The following ZAR1L variants were observed in gnomAD, a reference collection of about 807,000 sequenced individuals.
The protein encoded by ZAR1L is protein ZAR1-like.
ZAR1L carries 16 observed loss-of-function variants against 30.0 expected under a neutral mutation model. The observed-to-expected ratio is 0.53, with a 90% CI of 0.36 to 0.81. The LOEUF is 0.81. Ranked by LOEUF, ZAR1L falls within the 30% of genes least tolerant of loss-of-function variation. ZAR1L has a pLI of 0.00. For missense variants in ZAR1L, 392 were observed against 417.2 expected, an observed-to-expected ratio of 0.94 and a Z score of 0.53; for synonymous variants, 197 against 166.8, an observed-to-expected ratio of 1.18 and a Z score of -1.40.
At chr13:32,310,828 T>C in intron 3 of ZAR1L, 97 bp from the exon 4 acceptor site, 1 of 768,406 alleles carries the variant, frequency 1.3e-6, no homozygotes, top group East Asian at 2.7e-5. Context: ...AATGACTTCT[T>C]TAACCTCACT....
Position 32,311,448 on chromosome 13 carries a change from G to A in ZAR1L, c.478C>T (p.Pro160Ser), listed in dbSNP as rs2072211904. Residue 160 changes from proline (P) to serine (S), a missense_variant, in exon 3 of 6, where the codon CCT becomes TCT. Coordinates refer to ENST00000533490, the MANE Select transcript of ZAR1L (RefSeq NM_001136571.2). ...DEAESKALPG[P>S]AEASQPQPPS... The stretch of plus-strand genomic sequence containing the variant: ...GGCTGCGGCTGGCTGGCCTCCGCAG[G>A]GCCCGGGAGCGCCTTGCTCTCCGCT... 6.5e-7 allele frequency: 1 copy of A among 1,547,732 alleles called. No homozygotes were observed. The highest frequency in any genetic ancestry group is 1.4e-5 in the African/African-American group (1 of 73,052).
At chr13:32,311,217 A>T in intron 3 of ZAR1L, 55 bp downstream of exon 3, 1 of 1,471,540 alleles carries the variant, frequency 6.8e-7, no homozygotes. Flanking sequence ...TAGATGGAAA[A>T]GGAGGGAGGG....
intron 5 of ZAR1L, among the ~76,000 whole-genome samples, chr13:32,305,226 T>C (rs1055616373): frequency 6.8e-6 from 1 of 146,146 alleles, no homozygotes; most frequent in East Asian, 2.0e-4. Flanking sequence ...AGAAAATTCC[T>C]TTTTTTTTTT....
chr13:32,306,665 T>G (rs1480482822), intron 5 of ZAR1L, among the ~76,000 whole-genome samples: 1 of 152,190 alleles, frequency 6.6e-6, no homozygotes, highest in Non-Finnish European at 1.5e-5. Flanking sequence ...GCGTGACGGC[T>G]CACGCCTATA....
chr13:32,306,488 C>T (rs1458956874), intron 5 of ZAR1L, among the ~76,000 whole-genome samples: 1 of 151,778 alleles, frequency 6.6e-6, no homozygotes, highest in South Asian at 2.1e-4. Flanking sequence ...AGCAGATTTA[C>T]GAAGGGGAAA....
intron 4 of ZAR1L, among the ~76,000 whole-genome samples, chr13:32,309,708 G>A (rs571339144): frequency 9.9e-5 from 15 of 152,126 alleles, no homozygotes; most frequent in Non-Finnish European, 2.2e-4. Context: ...TCCATCACTC[G>A]TATCAAAATA....
chr13:32,307,842 G>A (rs2072187501), intron 5 of ZAR1L, among the ~76,000 whole-genome samples: 1 of 152,048 alleles, frequency 6.6e-6, no homozygotes, highest in African/African-American at 2.4e-5. Context: ...TTGCTCTGTT[G>A]CCCAGGCTGG....
Position 32,303,753 on chromosome 13 carries a change from T to A in ZAR1L, c.*126A>T. ...TTCACATTGTACAATTGTTACACAA[T>A]CTACAAAAAGTACAAAAGCCTAGCC... On this transcript the variant is annotated 3_prime_UTR_variant, in exon 6 of 6. Coordinates refer to ENST00000533490, the MANE Select transcript of ZAR1L (RefSeq NM_001136571.2). 1 of 890,688 alleles carries A rather than the reference T, an allele frequency of 1.1e-6. No individual in the cohort carries two copies. Among genetic ancestry groups the A allele is most frequent in the Non-Finnish European group, 1.7e-6 (1 of 597,250 alleles). 55.2% of individuals were successfully genotyped at this position (890,688 alleles called of 1,614,324 possible).
intron 5 of ZAR1L, among the ~76,000 whole-genome samples, chr13:32,304,499 G>C (rs1299739471): frequency 6.6e-6 from 1 of 152,136 alleles, no homozygotes; most frequent in African/African-American, 2.4e-5. Context: ...CTCAACCAGG[G>C]GTGATTTTAC....
At chr13:32,305,317 C>A (rs2072166438) in intron 5 of ZAR1L, among the ~76,000 whole-genome samples, 1 of 152,090 alleles carries the variant, frequency 6.6e-6, no homozygotes, top group Non-Finnish European at 1.5e-5. Context: ...AGCTCCGCCT[C>A]CCGGGTTCAC....
chr13:32,304,033 CAAA>C lies in ZAR1L; in HGVS notation c.823-14_823-12del. ...AGACTTTGAGCAGGTCTTTAGGAAA[CAAA>C]GAAGAGTTTGGACGCTAAATGATCA... On this transcript the variant is annotated splice_polypyrimidine_tract_variant and intron_variant, in intron 5 of 5. Coordinates refer to ENST00000533490, the MANE Select transcript of ZAR1L (RefSeq NM_001136571.2). 1.3e-6 allele frequency: 2 copies of C among 1,548,750 alleles called. No homozygotes were observed. Among genetic ancestry groups the C allele is most frequent in the Non-Finnish European group, 1.7e-6 (2 of 1,146,126 alleles).
In ZAR1L at chr13:32,311,682, G is replaced by T. The variant is rs530659850; in HGVS notation, c.244C>A (p.Arg82=). 1.9e-6 allele frequency: 3 copies of T among 1,551,632 alleles called. No homozygotes were observed. Among genetic ancestry groups the T allele is most frequent in the East Asian group, 4.9e-5 (2 of 40,924 alleles). ...TCCTTGGTGTTGGGCTTGCACAGCC[G>T]CGGGCTCAGGCTGGGGTTCATCTGG... ...LSQMNPSLSP[R]LCKPNTKEVG... Residue 82 remains arginine, a synonymous_variant, in exon 3 of 6, where the codon CGG becomes AGG. Transcript: ENST00000533490.
At chr13:32,313,038 A>G (rs2072225374) in intron 2 of ZAR1L, among the ~76,000 whole-genome samples, 1 of 152,236 alleles carries the variant, frequency 6.6e-6, no homozygotes, top group Non-Finnish European at 1.5e-5. Context: ...ATAGAAGCAG[A>G]AAGTAGAATG....
intron 4 of ZAR1L, among the ~76,000 whole-genome samples, chr13:32,308,991 CA>C (rs1356629224): frequency 2.9e-3 from 361 of 124,448 alleles, no homozygotes; most frequent in African/African-American, 7.1e-3. Flanking sequence ...AATTGGAATA[CA>C]TTTTTTTTTT....
chr13:32,305,720 C>G (rs531965445), intron 5 of ZAR1L, among the ~76,000 whole-genome samples: 43 of 152,322 alleles, frequency 2.8e-4, no homozygotes, highest in African/African-American at 1.0e-3. Context: ...TCTAACCAAG[C>G]CTCCTGGATG....
In ZAR1L at chr13:32,311,665, G is replaced by A. The variant is rs2138689865; in HGVS notation, c.261C>T (p.Asn87=). The change falls in exon 3 of 6, where the codon AAC becomes AAT. Residue 87 remains asparagine, a synonymous_variant. Transcript: ENST00000533490. ...TCACCTGCACGCCCACCTCCTTGGT[G>A]TTGGGCTTGCACAGCCGCGGGCTCA... ...PSLSPRLCKP[N]TKEVGVQVSP... is the part of the protein sequence containing the mutation. 1.3e-6 allele frequency: 2 copies of A among 1,551,514 alleles called. No individual in the cohort carries two copies. Among genetic ancestry groups the A allele is most frequent in the East Asian group, 4.9e-5 (2 of 40,924 alleles).
rs2072192895 is a variant in ZAR1L at position 32,308,696 on chromosome 13, A to G, written c.812T>C (p.Ile271Thr). The change falls in exon 5 of 6, where the codon ATC becomes ACC. Residue 271 changes from isoleucine to threonine, a missense_variant. By Grantham distance (89) the Ile-to-Thr change is moderately conservative. Transcript: ENST00000533490. ...GTTCCATATGCTCACCTGACATTGG[A>G]TTGCTTCTACTCGATAAGGGTTAAA... Reference protein sequence around the residue: ...KSFNPYRVEAIQCQTCSKSHC... With the variant: ...KSFNPYRVEATQCQTCSKSHC... 6.4e-7 allele frequency: 1 copy of G among 1,550,646 alleles called. No individual in the cohort carries two copies. The highest frequency in any genetic ancestry group is 8.7e-7 in the Non-Finnish European group (1 of 1,146,368).
chr13:32,303,736 G>C lies in ZAR1L; in HGVS notation c.*143C>G, dbSNP rs2072155051. The C allele has an allele frequency of 1.3e-6, 1 of 754,514 alleles. No homozygotes were observed. Among genetic ancestry groups the C allele is most frequent in the East Asian group, 2.8e-5 (1 of 36,334 alleles). The allele number at this position is 754,514 out of a possible 1,614,324, so 46.7% of individuals were successfully genotyped here. ...GCATTTATTTTATTCTATTCACATT[G>C]TACAATTGTTACACAATCTACAAAA... On this transcript the variant is annotated 3_prime_UTR_variant, in exon 6 of 6. Coordinates refer to ENST00000533490, the MANE Select transcript of ZAR1L (RefSeq NM_001136571.2).
chr13:32,305,858 C>A (rs1334234691), intron 5 of ZAR1L, among the ~76,000 whole-genome samples: 1 of 152,204 alleles, frequency 6.6e-6, no homozygotes, highest in Non-Finnish European at 1.5e-5. Context: ...TAGTTTTTCA[C>A]ATGTGATAGC....
Sources: gnomAD v4.1 joint callset for allele counts (sites outside exome capture counted in the v4.1 genomes callset) on GRCh38, gnomAD v4.1.1 for gene constraint, MANE v1.5 for transcripts, NCBI Gene and HGNC (gene_info 2026-07-23, HGNC 2026-07-21) for gene names.